Variants in ASCC3 observed in about 807,000 individuals in gnomAD.
ASCC3 encodes the protein ASC-1 complex subunit P200.
ASCC3 carries 158 observed loss-of-function variants against 256.3 expected under a neutral mutation model. The ratio of observed to expected loss-of-function variants is 0.62; its 90% CI spans 0.54 to 0.70. ASCC3 has a LOEUF of 0.70. Ranked by LOEUF, ASCC3 falls within the 30% of genes least tolerant of loss-of-function variation. ASCC3 has a pLI of 0.00. For missense variants in ASCC3, 2,259 were observed against 2,626.0 expected (o/e 0.86, Z 3.05); for synonymous variants, 948 against 883.4 (o/e 1.07, Z -1.30).
intron 36 of ASCC3, among the ~76,000 whole-genome samples, chr6:100,552,875 A>G (rs537862154): frequency 4.6e-5 from 7 of 152,134 alleles, no homozygotes; most frequent in African/African-American, 1.7e-4. Flanking sequence ...AATAGAAAAT[A>G]TTATAAGTTG....
intron 36 of ASCC3, among the ~76,000 whole-genome samples, chr6:100,577,169 A>G (rs2114736881): frequency 6.6e-6 from 1 of 152,198 alleles, no homozygotes; most frequent in South Asian, 2.1e-4. Flanking sequence ...TATCACACCA[A>G]ATATGACAAG....
chr6:100,694,259 G>A (rs1472172479), intron 13 of ASCC3, among the ~76,000 whole-genome samples: 1 of 151,526 alleles, frequency 6.6e-6, no homozygotes, highest in African/African-American at 2.4e-5. Flanking sequence ...TTGAGGTCAG[G>A]AGTTTGAGAT....
chr6:100,568,464 T>C (rs1770387818), intron 36 of ASCC3, among the ~76,000 whole-genome samples: 1 of 152,128 alleles, frequency 6.6e-6, no homozygotes, highest in Admixed American at 6.6e-5. Context: ...GGAGCATTTT[T>C]TCATGTTTGC....
In ASCC3 at chr6:100,679,403, A is replaced by G. The variant is rs148754261; in HGVS notation, c.2286+215T>C. Among the ~76,000 whole-genome samples the G allele has an allele frequency of 5.1e-3, 777 of 152,286 alleles. 4 individuals are homozygous for G. Among genetic ancestry groups the G allele is most frequent in the Middle Eastern group, 0.041 (12 of 294 alleles). ...TTTAAAGAGCAGGACTAGGCACTTC[A>G]ATTATAACCATATAGAAAGGAATGA... On this transcript the variant is annotated intron_variant, in intron 14 of 41. Coordinates refer to ENST00000369162, the MANE Select transcript of ASCC3 (RefSeq NM_006828.4).
intron 30 of ASCC3, among the ~76,000 whole-genome samples, chr6:100,617,386 T>C (rs911963469): frequency 6.6e-6 from 1 of 152,148 alleles, no homozygotes; most frequent in Admixed American, 6.5e-5. Context: ...TTAGTGCTGG[T>C]TGGCAACTAT....
chr6:100,783,752 CTTAAA>C (rs1782557029), intron 8 of ASCC3, among the ~76,000 whole-genome samples: 2 of 152,166 alleles, frequency 1.3e-5, no homozygotes, highest in East Asian at 1.9e-4. Context: ...TTCTAATGCT[CTTAAA>C]TTAAAGGTAA....
intron 14 of ASCC3, among the ~76,000 whole-genome samples, chr6:100,678,194 T>C (rs1486067956): frequency 6.6e-6 from 1 of 152,116 alleles, no homozygotes; most frequent in Non-Finnish European, 1.5e-5. Context: ...TTAACAATAG[T>C]TATCTGAATT....
intron 4 of ASCC3, among the ~76,000 whole-genome samples, chr6:100,829,281 G>C (rs1771495795): frequency 6.6e-6 from 1 of 152,154 alleles, no homozygotes; most frequent in African/African-American, 2.4e-5. Context: ...TGGAGCAGGG[G>C]GCGGCGCTCA....
chr6:100,766,492 A>T, intron 10 of ASCC3, 73 bp downstream of exon 10: 4 of 1,400,352 alleles, frequency 2.9e-6, no homozygotes, highest in Non-Finnish European at 4.0e-6. Context: ...TTTAAGATAT[A>T]GTCATTTAAT....
rs773897852 is a variant in ASCC3 at position 100,508,539 on chromosome 6, A to G, written c.*847T>C. 1 of 152,190 alleles carries G rather than the reference A, an allele frequency of 6.6e-6. No homozygotes were observed. The highest frequency in any genetic ancestry group is 1.5e-5 in the Non-Finnish European group (1 of 68,022). 9.4% of individuals were successfully genotyped at this position (152,190 alleles called of 1,614,324 possible). A position where few individuals can be genotyped will look rare whatever the true frequency, so the allele number is the denominator to read the frequency against. The stretch of plus-strand genomic sequence containing the variant: ...GTCTCAGATTTTTCCTGGAGAGCAT[A>G]AAGACAAATAATTGTACTATATGAT... On this transcript the variant is annotated 3_prime_UTR_variant, in exon 42 of 42. Coordinates refer to ENST00000369162, the MANE Select transcript of ASCC3 (RefSeq NM_006828.4).
chr6:100,641,930 A>G (rs145106345), intron 24 of ASCC3, among the ~76,000 whole-genome samples: 4,586 of 150,482 alleles, frequency 0.03, 78 homozygotes, highest in African/African-American at 0.056. Flanking sequence ...ACCAAACACC[A>G]CGTGTTCTCA....
rs568142361 is a variant in ASCC3, at chr6:100,589,790, T to C, written c.5416-22A>G. 9.3e-6 allele frequency: 15 copies of C among 1,613,254 alleles called. 1 individual carries two copies. The South Asian group carries it at 1.6e-4, about 18-fold the overall frequency. ...TATCCTATTTCAAAAGAATAACAAA[T>C]GAAGAGTACGATGAAAGTACATATC... On this transcript the variant is annotated intron_variant, in intron 35 of 41. Coordinates refer to ENST00000369162, the MANE Select transcript of ASCC3 (RefSeq NM_006828.4).
At chr6:100,794,689 T>C (rs1423982368) in intron 8 of ASCC3, among the ~76,000 whole-genome samples, 1 of 152,106 alleles carries the variant, frequency 6.6e-6, no homozygotes, top group Non-Finnish European at 1.5e-5. Flanking sequence ...TCTTAAATTC[T>C]TTACAATCAG....
At chr6:100,613,871 T>C (rs116263617) in intron 30 of ASCC3, among the ~76,000 whole-genome samples, 4,607 of 152,212 alleles carry the variant, frequency 0.03, 77 homozygotes, top group African/African-American at 0.055. Flanking sequence ...AAATAATATC[T>C]CATTGTGGTT....
At chr6:100,826,914 C>T (rs895564182) in intron 4 of ASCC3, among the ~76,000 whole-genome samples, 6 of 152,142 alleles carry the variant, frequency 3.9e-5, no homozygotes, top group Non-Finnish European at 7.4e-5. Context: ...TACTTACATT[C>T]TACATAATTA....
At chr6:100,867,402 C>T (rs1269591847) in intron 2 of ASCC3, among the ~76,000 whole-genome samples, 1 of 152,078 alleles carries the variant, frequency 6.6e-6, no homozygotes, top group African/African-American at 2.4e-5. Context: ...TTTAAAATAA[C>T]AATGTTTCTT....
chr6:100,528,508 G>A (rs920621702), intron 37 of ASCC3, among the ~76,000 whole-genome samples: 1 of 152,132 alleles, frequency 6.6e-6, no homozygotes, highest in African/African-American at 2.4e-5. Context: ...ATTAATTGGA[G>A]TCTACATAGT....
chr6:100,859,540 T>C (rs1773123703), intron 3 of ASCC3, among the ~76,000 whole-genome samples: 1 of 152,042 alleles, frequency 6.6e-6, no homozygotes, highest in Non-Finnish European at 1.5e-5. Flanking sequence ...CTACTATCTT[T>C]TTATACTTCC....
intron 36 of ASCC3, among the ~76,000 whole-genome samples, chr6:100,579,996 T>A (rs1312043095): frequency 6.6e-6 from 1 of 152,162 alleles, no homozygotes; most frequent in Non-Finnish European, 1.5e-5. Context: ...TCAACTCTGA[T>A]TTTTTTGAGC....
Sources: allele counts gnomAD v4.1 joint callset (sites outside exome capture counted in the v4.1 genomes callset), GRCh38; gene constraint gnomAD v4.1.1; transcripts MANE v1.5; gene names NCBI Gene and HGNC (gene_info 2026-07-23, HGNC 2026-07-21).